ZNF10: variants seen among roughly 807,000 people sequenced by gnomAD.
The protein encoded by ZNF10 is zinc finger protein 10 (KOX 1).
In ZNF10, 8 loss-of-function variants were observed where a neutral mutation model predicts 12.2. That is an observed-to-expected ratio of 0.66 (90% CI 0.39 to 1.18). The LOEUF is 1.18. Ranked by LOEUF, ZNF10 falls within the 50% of genes most tolerant of loss-of-function variation. The pLI is 0.01. For synonymous variants in ZNF10, 229 were observed against 228.2 expected (o/e 1.00, Z -0.03); for missense variants, 603 against 678.9 (o/e 0.89, Z 1.24).
At chr12:133,134,144 CAAAAA>C (rs35470467) in intron 1 of ZNF10, among the ~76,000 whole-genome samples, 1 of 68,066 alleles carries the variant, frequency 1.5e-5, no homozygotes, top group Non-Finnish European at 3.6e-5. Flanking sequence ...ACTAAAAATA[CAAAAA>C]AAAAAAAAAA....
In ZNF10 at chr12:133,156,123, T is replaced by C; in HGVS notation, c.877T>C (p.Tyr293His). The C allele has an allele frequency of 6.2e-7, 1 of 1,613,544 alleles. No individual in the cohort carries two copies. The highest frequency in any genetic ancestry group is 8.5e-7 in the Non-Finnish European group (1 of 1,180,026). ...HQLIHTGEKP[Y>H]ECKECGKSFS... Reference sequence around the variant, plus strand: ...GCTTATTCATACTGGAGAAAAACCCTATGAGTGTAAAGAATGTGGAAAGTC... The same window carrying C: ...GCTTATTCATACTGGAGAAAAACCCCATGAGTGTAAAGAATGTGGAAAGTC... Residue 293 changes from tyrosine to histidine, a missense_variant, in exon 5 of 5, where the codon TAT becomes CAT. By Grantham distance (83) the Tyr-to-His change is moderately conservative (BLOSUM62 2). Transcript: ENST00000248211.
chr12:133,133,731 T>C (rs1206954270), intron 1 of ZNF10, among the ~76,000 whole-genome samples: 2 of 152,134 alleles, frequency 1.3e-5, no homozygotes, highest in Non-Finnish European at 2.9e-5. Context: ...CGCTAAGTGT[T>C]TGATTGGAGC....
In ZNF10 at chr12:133,156,146, G is replaced by A. The variant is rs149050340; in HGVS notation, c.900G>A (p.Lys300=). ...CCTATGAGTGTAAAGAATGTGGAAAGTCTTTCAGCCGGAGTTCTCACCTCA... is the reference window on the plus strand; with the variant it reads ...CCTATGAGTGTAAAGAATGTGGAAAATCTTTCAGCCGGAGTTCTCACCTCA... ...EKPYECKECG[K]SFSRSSHLIG... is the part of the protein sequence containing the mutation. The change falls in exon 5 of 5, where the codon AAG becomes AAA. Residue 300 remains lysine, a synonymous_variant. Transcript: ENST00000248211. 388 of 1,613,526 alleles carry A rather than the reference G, an allele frequency of 2.4e-4. 1 individual carries two copies. In the African/African-American group the frequency reaches 4.7e-3, roughly 20 times the overall value.
Position 133,130,756 on chromosome 12 carries a change from T to C in ZNF10, c.-60+2T>C, listed in dbSNP as rs1376444655. On this transcript the variant is annotated splice_donor_variant, in intron 1 of 4. Coordinates refer to ENST00000248211, the MANE Select transcript of ZNF10 (RefSeq NM_015394.5). LOFTEE classifies it low-confidence loss of function (5UTR_SPLICE). ...GAACCTTCTAGTTGCTTATTGCAGG[T>C]ATATACGAAAGTGCTGAATTTTGTG... The C allele has an allele frequency of 6.6e-6, 1 of 152,456 alleles. No homozygotes were observed. 9.4% of individuals were successfully genotyped at this position (152,456 alleles called of 1,614,324 possible).
intron 1 of ZNF10, among the ~76,000 whole-genome samples, chr12:133,131,826 A>G (rs1400427845): frequency 1.3e-5 from 2 of 152,216 alleles, no homozygotes; most frequent in Non-Finnish European, 2.9e-5. Context: ...TGAGATACAC[A>G]TCATAAATTA....
intron 4 of ZNF10, 74 bp downstream of exon 4, chr12:133,151,978 T>C (rs971201740): frequency 5.0e-6 from 6 of 1,201,046 alleles, no homozygotes; most frequent in Non-Finnish European, 7.3e-6. Context: ...CTAGAGATAG[T>C]GGTCACTGGC....
At chr12:133,143,727 C>G (rs1955959402) in intron 1 of ZNF10, 1 of 152,214 alleles carries the variant, frequency 6.6e-6, no homozygotes, top group Admixed American at 6.5e-5. Flanking sequence ...TTGGCAGCTT[C>G]AAACAGCATT....
Position 133,157,139 on chromosome 12 carries a change from A to G in ZNF10, c.*171A>G, listed in dbSNP as rs563887396. 14 of 528,942 alleles carry G rather than the reference A, an allele frequency of 2.6e-5. No homozygotes were observed. The highest frequency in any genetic ancestry group is 2.3e-4 in the African/African-American group (12 of 51,074). 32.8% of individuals were successfully genotyped at this position (528,942 alleles called of 1,614,324 possible). A position where few individuals can be genotyped will look rare whatever the true frequency, so the allele number is the denominator to read the frequency against. ...GGAAAGAAACCACAGATTTTATTTC[A>G]GTACACAAATCCATCAGATTTTCTT... is the stretch of plus-strand genomic sequence containing the variant. On this transcript the variant is annotated 3_prime_UTR_variant, in exon 5 of 5. Transcript: ENST00000248211.
chr12:133,130,987 G>A (rs993171782), intron 1 of ZNF10: 1 of 152,242 alleles, frequency 6.6e-6, no homozygotes, highest in Admixed American at 6.5e-5. Flanking sequence ...TGCACCTGGA[G>A]ATTGACGCAG....
intron 1 of ZNF10, among the ~76,000 whole-genome samples, chr12:133,134,163 A>G (rs77482603): frequency 6.7e-6 from 1 of 150,306 alleles, no homozygotes; most frequent in Non-Finnish European, 1.5e-5. Context: ...AAAAAAAAAA[A>G]TTAGCTGAGT....
rs1281356351 is a variant in ZNF10, at chr12:133,158,387, G to T, written c.*1419G>T. The T allele has an allele frequency of 6.6e-6, 1 of 152,052 alleles. No homozygotes were observed. The highest frequency in any genetic ancestry group is 1.5e-5 in the Non-Finnish European group (1 of 68,014). The allele number at this position is 152,052 out of a possible 1,614,324, so 9.4% of individuals were successfully genotyped here. ...CAGTCATACATGGTTTTTCCCTTTT[G>T]CCTAAATCAGAACTCAACAGCCTGG... is the stretch of plus-strand genomic sequence containing the variant. On this transcript the variant is annotated 3_prime_UTR_variant, in exon 5 of 5. Transcript: ENST00000248211.
intron 1 of ZNF10, among the ~76,000 whole-genome samples, chr12:133,134,130 C>T (rs1325614040): frequency 2.8e-5 from 4 of 141,688 alleles, no homozygotes; most frequent in African/African-American, 5.5e-5. Flanking sequence ...GAAACCCTGT[C>T]GCTACTAAAA....
chr12:133,156,999 G>T lies in ZNF10; in HGVS notation c.*31G>T. On this transcript the variant is annotated 3_prime_UTR_variant, in exon 5 of 5. Transcript: ENST00000248211. ...ATGGGAATTTTTCACAAAGAGCAAT[G>T]ACTTTATTTTGCATTGGAGAACTCC... 1.4e-6 allele frequency: 2 copies of T among 1,403,846 alleles called. No homozygotes were observed. The highest frequency in any genetic ancestry group is 2.1e-5 in the South Asian group (1 of 48,172). 87.0% of individuals were successfully genotyped at this position (1,403,846 alleles called of 1,614,324 possible).
In ZNF10 at chr12:133,155,506, C is replaced by A; in HGVS notation, c.260C>A (p.Ser87Ter). The change falls in exon 5 of 5, where the codon TCA becomes TAA. Residue 87 changes from serine to a stop codon, truncating the protein, a stop_gained. Coordinates refer to ENST00000248211, the MANE Select transcript of ZNF10 (RefSeq NM_015394.5). LOFTEE classifies it low-confidence loss of function (END_TRUNC). ...REIHQETHPDSETAFEIKSSV... is the reference protein window; with the variant it reads ...REIHQETHPD ...AAACATTTTTCATTTCTTTCAGATT[C>A]AGAGACTGCATTTGAAATCAAATCA... 6.3e-7 allele frequency: 1 copy of A among 1,583,212 alleles called. No homozygotes were observed. Among genetic ancestry groups the A allele is most frequent in the South Asian group, 1.2e-5 (1 of 84,780 alleles).
rs1206289093 is a variant in ZNF10 at position 133,155,980 on chromosome 12, ACT to A, written c.739_740del (p.Leu247TyrfsTer14). 6.2e-7 allele frequency: 1 copy of A among 1,613,828 alleles called. No homozygotes were observed. Among genetic ancestry groups the A allele is most frequent in the East Asian group, 2.2e-5 (1 of 44,882 alleles). On this transcript the variant is annotated frameshift_variant, in exon 5 of 5. Coordinates refer to ENST00000248211, the MANE Select transcript of ZNF10 (RefSeq NM_015394.5). LOFTEE classifies it low-confidence loss of function (END_TRUNC). ...TCCTACAAATGCCCTGATAATGACA[ACT>A]CTCTTACTCATGGTTCATCTCTTGG...
At chr12:133,145,065 G>A (rs1165706858) in intron 2 of ZNF10, 6 of 300,540 alleles carry the variant, frequency 2.0e-5, no homozygotes, top group Non-Finnish European at 2.6e-5. Context: ...TGTATTTTTA[G>A]TAGAGACGGG....
At chr12:133,154,168 C>T (rs1956025535) in intron 4 of ZNF10, among the ~76,000 whole-genome samples, 1 of 152,054 alleles carries the variant, frequency 6.6e-6, no homozygotes, top group Non-Finnish European at 1.5e-5. Context: ...TGGAATGTCA[C>T]CCCACTTATG....
chr12:133,137,381 G>A (rs117405538), intron 1 of ZNF10, among the ~76,000 whole-genome samples: 3 of 152,140 alleles, frequency 2.0e-5, no homozygotes, highest in African/African-American at 7.2e-5. Flanking sequence ...CCTAGATCTG[G>A]CTTTGCACAC....
At chr12:133,155,465 C>T (rs370478335) in intron 4 of ZNF10, 38 bp from the exon 5 acceptor site, 1 of 1,541,944 alleles carries the variant, frequency 6.5e-7, no homozygotes, top group Non-Finnish European at 8.7e-7. Flanking sequence ...CACCTTAATA[C>T]TCTGTTTAGT....
Sources: gnomAD v4.1 joint callset for allele counts (sites outside exome capture counted in the v4.1 genomes callset) on GRCh38, gnomAD v4.1.1 for gene constraint, MANE v1.5 for transcripts, NCBI Gene and HGNC (gene_info 2026-07-23, HGNC 2026-07-21) for gene names.